Variants in OFD1 observed in about 807,000 individuals in gnomAD.
The protein encoded by OFD1 is OFD1 centriole and centriolar satellite protein.
In OFD1, 12 loss-of-function variants were observed where a neutral mutation model predicts 81.4. That is an observed-to-expected ratio of 0.15 (90% CI 0.09 to 0.24). OFD1 has a LOEUF of 0.24. OFD1 is among the 10% of genes least tolerant of loss of function. The pLI is 1.00. For synonymous variants in OFD1, 256 were observed against 263.7 expected (o/e 0.97, Z 0.28); for missense variants, 685 against 733.9 (o/e 0.93, Z 0.77).
At chrX:13,740,948 C>G (rs1033088094) in intron 5 of OFD1, among the ~76,000 whole-genome samples, 1 of 109,979 alleles carries the variant, frequency 9.1e-6, no homozygotes, top group Admixed American at 9.7e-5. Context: ...ACCATCCTGG[C>G]CAACATGGTG....
chrX:13,763,904 C>A, intron 19 of OFD1, 49 bp downstream of exon 19: 1 of 897,895 alleles, frequency 1.1e-6, no homozygotes, highest in Non-Finnish European at 1.6e-6. Flanking sequence ...ATACTAAATA[C>A]CAGTCCGTGT....
chrX:13,736,802 T>G, intron 3 of OFD1, 124 bp downstream of exon 3: 1 of 516,492 alleles, frequency 1.9e-6, no homozygotes, highest in Non-Finnish European at 3.4e-6. Flanking sequence ...CTCTTTGAAT[T>G]CACATTGTAC....
At position 13,734,927 on chromosome X, in the gene OFD1, C is replaced by T. The variant is rs756446116; in HGVS notation, c.-145C>T. On this transcript the variant is annotated 5_prime_UTR_variant, in exon 1 of 23. Transcript: ENST00000340096. The stretch of plus-strand genomic sequence containing the variant: ...GTGCGAGGCAGAGAACGTTCAGCAC[C>T]TTTGTTCCTCCCGAACCCTCGGGAC... 1.8e-6 allele frequency: 2 copies of T among 1,107,636 alleles called. No individual in the cohort carries two copies. Among genetic ancestry groups the T allele is most frequent in the Non-Finnish European group, 2.3e-6 (2 of 852,139 alleles). The allele number at this position is 1,107,636 out of a possible 1,213,427, so 91.3% of individuals were successfully genotyped here.
At chrX:13,759,335 A>C (rs1176294203) in intron 15 of OFD1, among the ~76,000 whole-genome samples, 1 of 112,205 alleles carries the variant, frequency 8.9e-6, no homozygotes. Context: ...AACTTCTCAC[A>C]GCTGAAATCA....
Position 13,760,662 on chromosome X carries a change from C to G in OFD1, c.2202C>G (p.Leu734=), listed in dbSNP as rs368465917. ...RLRGGTSSRR[L]SSTPLPKAKR... ...GCGGGGGCACTTCCTCCAGACGCCT[C>G]TCTTCCACACCCCTTCCAAAAGCAA... The change falls in exon 16 of 23, where the codon CTC becomes CTG. Residue 734 remains leucine, a synonymous_variant. Coordinates refer to ENST00000340096, the MANE Select transcript of OFD1 (RefSeq NM_003611.3). 9.1e-6 allele frequency: 11 copies of G among 1,211,601 alleles called. No homozygotes were observed. Among genetic ancestry groups the G allele is most frequent in the Non-Finnish European group, 1.2e-5 (11 of 895,280 alleles).
At chrX:13,748,420 C>T (rs2047375529) in intron 8 of OFD1, among the ~76,000 whole-genome samples, 1 of 112,445 alleles carries the variant, frequency 8.9e-6, no homozygotes, top group African/African-American at 3.2e-5. Flanking sequence ...CCGTCCCTGA[C>T]TCCCACTGAG....
the OFD1 span, chrX:13,716,333 A>G: frequency 3.5e-6 from 2 of 566,486 alleles, no homozygotes; most frequent in Non-Finnish European, 5.6e-6. Flanking sequence ...CTTTTTGTGT[A>G]TGAGACTTAG....
At chrX:13,748,698 G>C (rs1026705638) in intron 8 of OFD1, among the ~76,000 whole-genome samples, 16 of 111,968 alleles carry the variant, frequency 1.4e-4, no homozygotes, top group Middle Eastern at 9.1e-3. Flanking sequence ...CTCTGAGTCA[G>C]AATGACCCGT....
chrX:13,740,449 T>A (rs1241913698), intron 5 of OFD1, among the ~76,000 whole-genome samples: 1 of 112,242 alleles, frequency 8.9e-6, no homozygotes, highest in East Asian at 2.8e-4. Flanking sequence ...TAGTATCTTT[T>A]GCTTAACTAT....
upstream of OFD1, among the ~76,000 whole-genome samples, chrX:13,730,318 A>AATGCTCATCAC (rs962943815): frequency 8.9e-6 from 1 of 112,297 alleles, no homozygotes; most frequent in African/African-American, 3.2e-5. Flanking sequence ...ACATGAAAAA[A>AATGCTCATCAC]ATGCTCATCA....
At chrX:13,768,360 T>TG (rs767780776) in intron 21 of OFD1, 136 bp downstream of exon 21, 41 of 542,967 alleles carry the variant, frequency 7.6e-5, no homozygotes, top group Non-Finnish European at 4.5e-5. Flanking sequence ...AAAGTTCAAA[T>TG]GGAACCTTGA....
chrX:13,750,213 T>C (rs1018202551), intron 9 of OFD1, among the ~76,000 whole-genome samples: 1 of 112,178 alleles, frequency 8.9e-6, no homozygotes, highest in Admixed American at 9.4e-5. Context: ...TACCTTACTC[T>C]CTTTTTGGCA....
At chrX:13,722,208 C>CCAAAAAAAAAAAAAAAAAAA in the OFD1 span, 2 of 36,116 alleles carry the variant, frequency 5.5e-5, no homozygotes, top group African/African-American at 1.2e-4. Context: ...TAAGCAGCAG[C>CCAAAAAAAAAAAAAAAAAAA]AAAAAAAAAA....
In OFD1 at chrX:13,751,297, T is replaced by G. The variant is rs61734977; in HGVS notation, c.984T>G (p.Leu328=). The G allele has an allele frequency of 3.0e-5, 36 of 1,202,607 alleles. No homozygotes were observed. The highest frequency in any genetic ancestry group is 2.3e-4 in the Middle Eastern group (1 of 4,321). The change falls in exon 10 of 23, where the codon CTT becomes CTG. Residue 328 remains leucine, a synonymous_variant. Coordinates refer to ENST00000340096, the MANE Select transcript of OFD1 (RefSeq NM_003611.3). The part of the protein sequence containing the change: ...EEKHKSITEA[L]RRQEQNIKSF... ...AACATAAAAGCATAACTGAGGCACT[T>G]AGGAGACAGGAGCAGAATATAAAGA...
chrX:13,756,587 G>C lies in OFD1; in HGVS notation c.1231G>C (p.Glu411Gln), dbSNP rs1569141112. 8.3e-7 allele frequency: 1 copy of C among 1,204,040 alleles called. No homozygotes were observed. The highest frequency in any genetic ancestry group is 3.0e-5 in the East Asian group (1 of 33,785). ...CCTTTTTGAATTTTAGCTTGAATTA[G>C]AGTCTGTCAAAGCCCAGTCTTTGGC... is the stretch of plus-strand genomic sequence containing the variant. ...NRVKELELELESVKAQSLAIT... is the reference protein window; with the variant it reads ...NRVKELELELQSVKAQSLAIT... Residue 411 changes from glutamate (E) to glutamine (Q), a missense_variant, in exon 13 of 23, where the codon GAG becomes CAG. This residue lies in a region of OFD1 where 414 missense variants were observed against 447.2 expected (regional missense o/e 0.93). Coordinates refer to ENST00000340096, the MANE Select transcript of OFD1 (RefSeq NM_003611.3).
chrX:13,716,326 T>A, the OFD1 span: 1 of 562,435 alleles, frequency 1.8e-6, no homozygotes, highest in Non-Finnish European at 2.8e-6. Flanking sequence ...ATAAACTCTT[T>A]TTGTGTATGA....
chrX:13,768,224 G>T lies in OFD1; in HGVS notation c.2928G>T (p.Lys976Asn). ...QQEQDQESAD[K>N]SSKKMVQEGS... is the part of the protein sequence containing the mutation. ...AGCAAGACCAGGAGTCGGCAGATAA[G>T]GTGCCAGTGCCATGGGCAGGGCAAT... The change falls in exon 21 of 23, where the codon AAG becomes AAT. Residue 976 changes from lysine to asparagine, a missense_variant and splice_region_variant. By Grantham distance (94) the Lys-to-Asn change is moderately conservative. Coordinates refer to ENST00000340096, the MANE Select transcript of OFD1 (RefSeq NM_003611.3). The T allele has an allele frequency of 8.3e-7, 1 of 1,200,299 alleles. No individual in the cohort carries two copies. Among genetic ancestry groups the T allele is most frequent in the Non-Finnish European group, 1.1e-6 (1 of 884,697 alleles).
chrX:13,727,267 G>C, the OFD1 span, among the ~76,000 whole-genome samples: 1 of 111,952 alleles, frequency 8.9e-6, no homozygotes, highest in Admixed American at 9.5e-5. Context: ...GACATCTACA[G>C]AACTCTCCAC....
upstream of OFD1, chrX:13,733,986 G>C: frequency 2.0e-6 from 1 of 512,538 alleles, no homozygotes; most frequent in Non-Finnish European, 3.5e-6. Context: ...TATCGCTTCT[G>C]AGAGGTTTGG....
Sources: gnomAD v4.1 joint callset for allele counts (sites outside exome capture counted in the v4.1 genomes callset) on GRCh38, gnomAD v4.1.1 for gene constraint, gnomAD v4.1.1 regional missense constraint, MANE v1.5 for transcripts, NCBI Gene and HGNC (gene_info 2026-07-23, HGNC 2026-07-21) for gene names.